RUNX1T1: variants seen among roughly 807,000 people sequenced by gnomAD.
The protein encoded by RUNX1T1 is RUNX1 partner transcriptional co-repressor 1, also known as protein CBFA2T1.
A neutral mutation model predicts 62.8 loss-of-function variants in RUNX1T1; 4 were observed. That is an observed-to-expected ratio of 0.06 (90% CI 0.03 to 0.15). RUNX1T1 has a LOEUF of 0.15. Among genes scored for constraint, RUNX1T1 ranks in the 10% least tolerant of loss-of-function variants. RUNX1T1 has a pLI of 1.00. For synonymous variants in RUNX1T1, 291 were observed against 286.0 expected (o/e 1.02, Z -0.18); for missense variants, 508 against 754.3 (o/e 0.67, Z 3.82).
chr8:92,095,530 A>ATT, intron 1 of RUNX1T1: 3 of 1,493,132 alleles, frequency 2.0e-6, no homozygotes, highest in Non-Finnish European at 2.7e-6. Flanking sequence ...CATCAGGGTG[A>ATT]TTACAATATC....
chr8:91,977,018 C>T, intron 8 of RUNX1T1: 1 of 191,006 alleles, frequency 5.2e-6, no homozygotes, highest in Non-Finnish European at 1.1e-5. Context: ...AAGATGAAGA[C>T]ATTTAGTCCA....
chr8:91,955,533 G>T (rs1809228819), downstream of RUNX1T1: 2 of 225,614 alleles, frequency 8.9e-6, no homozygotes, highest in Non-Finnish European at 1.8e-5. Context: ...TCTTGGAAAA[G>T]CTACATTTCC....
upstream of RUNX1T1, among the ~76,000 whole-genome samples, chr8:92,067,936 C>G (rs1833113740): frequency 6.6e-6 from 1 of 152,150 alleles, no homozygotes; most frequent in Non-Finnish European, 1.5e-5. Context: ...AACACTTGCA[C>G]TGATTAAATT....
intron 2 of RUNX1T1, among the ~76,000 whole-genome samples, chr8:92,074,909 C>T (rs1043963440): frequency 2.6e-5 from 4 of 152,026 alleles, no homozygotes; most frequent in African/African-American, 9.7e-5. Flanking sequence ...AAGGCTTCCC[C>T]AAAGGAGTGT....
At chr8:92,017,080 T>G (rs1347847705) in intron 2 of RUNX1T1, 146 bp downstream of exon 3, 1 of 636,738 alleles carries the variant, frequency 1.6e-6, no homozygotes, top group Non-Finnish European at 2.8e-6. Flanking sequence ...CAGTACCTAC[T>G]TACTGGCAAA....
rs964864104 is a variant in RUNX1T1 at position 92,089,359 on chromosome 8, T to C, written c.-86+10221A>G. On this transcript the variant is annotated intron_variant, in intron 1 of 11. Coordinates refer to the RUNX1T1 transcript ENST00000265814. Reference sequence around the variant, plus strand: ...TTTAGAAGCAATAGCAAACTATTTCTTCAGACAAAAAGAGAATTGTTTAGT... The same window carrying C: ...TTTAGAAGCAATAGCAAACTATTTCCTCAGACAAAAAGAGAATTGTTTAGT... 2.6e-5 allele frequency among the ~76,000 whole-genome samples: 4 copies of C among 152,338 alleles called. 1 individual carries two copies. Among genetic ancestry groups the C allele is most frequent in the South Asian group, 4.1e-4 (2 of 4,824 alleles).
intron 2 of RUNX1T1, among the ~76,000 whole-genome samples, chr8:92,075,060 G>A (rs960055609): frequency 4.6e-5 from 7 of 152,204 alleles, no homozygotes; most frequent in Non-Finnish European, 1.0e-4. Context: ...ACATTGTGGG[G>A]TGGATGCTAG....
intron 1 of RUNX1T1, among the ~76,000 whole-genome samples, chr8:92,048,978 CT>C (rs1829831052): frequency 6.6e-6 from 1 of 152,230 alleles, no homozygotes; most frequent in Non-Finnish European, 1.5e-5. Context: ...TCACATGCGA[CT>C]CTGTATCATG....
At chr8:92,043,694 T>C (rs991267370) in intron 1 of RUNX1T1, among the ~76,000 whole-genome samples, 65 of 151,946 alleles carry the variant, frequency 4.3e-4, no homozygotes, top group African/African-American at 1.5e-3. Context: ...ATAAAAACCT[T>C]AGCCGGGTGC....
At chr8:92,091,193 G>A (rs1224754304) in intron 1 of RUNX1T1, among the ~76,000 whole-genome samples, 1 of 152,126 alleles carries the variant, frequency 6.6e-6, no homozygotes, top group Non-Finnish European at 1.5e-5. Flanking sequence ...TATTCTAAAG[G>A]CCCTATTCAT....
At chr8:91,976,095 T>A (rs1470828794) in intron 8 of RUNX1T1, 122 bp from the exon 10 acceptor site, 3 of 666,500 alleles carry the variant, frequency 4.5e-6, no homozygotes, top group South Asian at 3.6e-5. Context: ...AAACGCAATT[T>A]TAAAAGGCTA....
chr8:92,022,048 A>G (rs1824205678), intron 1 of RUNX1T1, among the ~76,000 whole-genome samples: 1 of 151,898 alleles, frequency 6.6e-6, no homozygotes, highest in African/African-American at 2.4e-5. Flanking sequence ...GCCCTTCTGT[A>G]TGATGGACAC....
intron 10 of RUNX1T1, among the ~76,000 whole-genome samples, chr8:91,968,232 G>A (rs1328708076): frequency 6.6e-6 from 1 of 152,086 alleles, no homozygotes; most frequent in Non-Finnish European, 1.5e-5. Flanking sequence ...TGGCCTTTAA[G>A]AGGTGGGACC....
Position 92,034,715 on chromosome 8 carries a change from CATAT to C in RUNX1T1, c.8-17356_8-17353del, listed in dbSNP as rs895066249. On this transcript the variant is annotated intron_variant, in intron 1 of 10. Transcript: ENST00000396218. ...GTATACATGTATACATATATATACA[CATAT>C]ATATACACACGTATACATATATATA... 7.1e-4 allele frequency among the ~76,000 whole-genome samples: 106 copies of C among 149,608 alleles called. 1 individual carries two copies. The highest frequency in any genetic ancestry group is 2.6e-3 in the African/African-American group (105 of 40,676).
exon 11 of RUNX1T1, chr8:91,960,183 T>G: frequency 4.3e-5 from 66 of 1,530,596 alleles, no homozygotes; most frequent in Non-Finnish European, 5.3e-5. Context: ...CATCTGAGGA[T>G]GAGGAATTGG....
intron 1 of RUNX1T1, among the ~76,000 whole-genome samples, chr8:92,024,121 C>T (rs1824657953): frequency 6.6e-6 from 1 of 152,180 alleles, no homozygotes; most frequent in Non-Finnish European, 1.5e-5. Flanking sequence ...GTCTTCCAAA[C>T]CTTCTACAGA....
chr8:92,071,219 A>G (rs1833622771), intron 2 of RUNX1T1: 2 of 152,332 alleles, frequency 1.3e-5, no homozygotes, highest in Admixed American at 1.3e-4. Flanking sequence ...CAAAAGTTCT[A>G]TCACCTTTTT....
At chr8:92,092,565 A>G (rs969623086) in intron 1 of RUNX1T1, among the ~76,000 whole-genome samples, 2 of 152,254 alleles carry the variant, frequency 1.3e-5, no homozygotes, top group African/African-American at 2.4e-5. Context: ...ATGCAAGAAC[A>G]GTGTTAACTT....
At chr8:91,994,480 C>G (rs146774331) in intron 5 of RUNX1T1, 1 of 383,472 alleles carries the variant, frequency 2.6e-6, no homozygotes, top group Non-Finnish European at 5.2e-6. Flanking sequence ...GCTAACACAG[C>G]ACCTACCTTA....
Sources: allele counts gnomAD v4.1 joint callset (sites outside exome capture counted in the v4.1 genomes callset), GRCh38; gene constraint gnomAD v4.1.1; transcripts MANE v1.5; gene names NCBI Gene and HGNC (gene_info 2026-07-23, HGNC 2026-07-21).